SFXN1: variants seen among roughly 807,000 people sequenced by gnomAD.
The protein encoded by SFXN1 is sideroflexin 1, also known as sideroflexin-1.
A neutral mutation model predicts 39.5 loss-of-function variants in SFXN1; 32 were observed. That is an observed-to-expected ratio of 0.81 (90% CI 0.61 to 1.09). The LOEUF is 1.09. SFXN1 is among the 50% of genes least tolerant of loss of function. The probability of loss-of-function intolerance (pLI) is 0.00; values close to 1 mark genes in which losing one functional copy is unlikely to be tolerated. For missense variants in SFXN1, 402 were observed against 407.1 expected, an observed-to-expected ratio of 0.99 and a Z score of 0.11; for synonymous variants, 136 against 146.5, an observed-to-expected ratio of 0.93 and a Z score of 0.52.
intron 2 of SFXN1, chr5:175,492,526 C>T (rs1759697584): frequency 3.4e-6 from 1 of 290,094 alleles, no homozygotes; most frequent in African/African-American, 2.2e-5. Flanking sequence ...ATCCCTTTCT[C>T]CTGGCAGCTT....
At chr5:175,526,504 A>G (rs570173092) in intron 10 of SFXN1, 134 bp from the exon 11 acceptor site, 600 of 669,620 alleles carry the variant, frequency 9.0e-4, no homozygotes, top group Non-Finnish European at 1.4e-3. Flanking sequence ...TTCTAGCCGC[A>G]TGAAGCATTT....
chr5:175,527,051 C>T lies in SFXN1; in HGVS notation c.*317C>T. 3.0e-6 allele frequency: 1 copy of T among 329,150 alleles called. No homozygotes were observed. Among genetic ancestry groups the T allele is most frequent in the Non-Finnish European group, 5.6e-6 (1 of 178,454 alleles). 20.4% of individuals were successfully genotyped at this position (329,150 alleles called of 1,614,324 possible). On this transcript the variant is annotated 3_prime_UTR_variant, in exon 11 of 11. Coordinates refer to ENST00000321442, the MANE Select transcript of SFXN1 (RefSeq NM_022754.7). ...AGCACTGGTAGGCATAGAATAGGTG[C>T]TCAGTATATGGTCAGTAAATGTTCT...
intron 4 of SFXN1, among the ~76,000 whole-genome samples, chr5:175,511,040 TCA>T (rs1760492174): frequency 6.6e-6 from 1 of 152,244 alleles, no homozygotes; most frequent in Non-Finnish European, 1.5e-5. Flanking sequence ...ATTTTTGCTT[TCA>T]GTGTGTATAT....
chr5:175,524,061 G>A (rs1439460793), intron 10 of SFXN1: 1 of 139,814 alleles, frequency 7.2e-6, no homozygotes, highest in African/African-American at 2.6e-5. Flanking sequence ...CCAAGATCAC[G>A]CTACTGCATT....
chr5:175,512,129 G>C lies in SFXN1; in HGVS notation c.529G>C (p.Gly177Arg). Residue 177 changes from glycine (G) to arginine (R), a missense_variant, in exon 6 of 11, where the codon GGA becomes CGA. Transcript: ENST00000321442. ...ALTKHVSPLIGRFVPFAAVAA... is the reference protein window; with the variant it reads ...ALTKHVSPLIRRFVPFAAVAA... ...TCTGCAGCATGTCTCACCACTGATAGGACGTTTTGTTCCCTTTGCTGCCGT... is the reference window on the plus strand; with the variant it reads ...TCTGCAGCATGTCTCACCACTGATACGACGTTTTGTTCCCTTTGCTGCCGT... 2 of 1,614,130 alleles carry C rather than the reference G, an allele frequency of 1.2e-6. No individual in the cohort carries two copies. The highest frequency in any genetic ancestry group is 1.7e-6 in the Non-Finnish European group (2 of 1,180,028).
intron 5 of SFXN1, 62 bp from the exon 6 acceptor site, chr5:175,512,049 T>G (rs770568314): frequency 1.4e-6 from 2 of 1,439,964 alleles, no homozygotes; most frequent in Non-Finnish European, 1.9e-6. Flanking sequence ...AAGAAATAAG[T>G]TATTTCCATT....
In SFXN1 at chr5:175,492,286, T is replaced by G; in HGVS notation, c.164+19T>G. The G allele has an allele frequency of 6.3e-7, 1 of 1,592,658 alleles. No homozygotes were observed. The highest frequency in any genetic ancestry group is 8.5e-7 in the Non-Finnish European group (1 of 1,171,392). On this transcript the variant is annotated intron_variant, in intron 2 of 10. Transcript: ENST00000321442. ...ATTACAGGTAACATTAATTATTGTT[T>G]TTTGGTTTAATGTATAAATAGATCA...
chr5:175,487,391 C>G (rs940077853), intron 1 of SFXN1, among the ~76,000 whole-genome samples: 2 of 152,234 alleles, frequency 1.3e-5, no homozygotes, highest in African/African-American at 4.8e-5. Context: ...CTACCACCAT[C>G]ATTGCTGTTA....
At chr5:175,517,511 G>GT (rs1452617166) in intron 8 of SFXN1, among the ~76,000 whole-genome samples, 4 of 152,070 alleles carry the variant, frequency 2.6e-5, no homozygotes, top group Admixed American at 6.6e-5. Flanking sequence ...CCTGGTTGTA[G>GT]GTGTACTCCT....
intron 4 of SFXN1, chr5:175,510,456 T>C (rs915655973): frequency 7.4e-5 from 34 of 457,920 alleles, no homozygotes; most frequent in African/African-American, 5.0e-4. Flanking sequence ...GAGGTACTGG[T>C]AGGATGTTAC....
intron 1 of SFXN1, among the ~76,000 whole-genome samples, chr5:175,487,817 C>A (rs1269722048): frequency 1.3e-5 from 2 of 152,192 alleles, no homozygotes; most frequent in Non-Finnish European, 2.9e-5. Flanking sequence ...TTCCTGTCTT[C>A]TCCCTCGGCC....
At chr5:175,491,929 T>G in intron 1 of SFXN1, 166 bp from the exon 2 acceptor site, 1 of 478,872 alleles carries the variant, frequency 2.1e-6, no homozygotes, top group South Asian at 4.4e-5. Context: ...ATAGACAAAC[T>G]TAGCTTTGAA....
At chr5:175,502,523 G>A (rs1760122058) in intron 2 of SFXN1, among the ~76,000 whole-genome samples, 1 of 152,188 alleles carries the variant, frequency 6.6e-6, no homozygotes, top group Admixed American at 6.6e-5. Context: ...AGCAGTTTCA[G>A]AATAACTAAA....
intron 8 of SFXN1, among the ~76,000 whole-genome samples, chr5:175,520,220 T>TAC (rs928936807): frequency 2.9e-4 from 44 of 152,010 alleles, no homozygotes; most frequent in African/African-American, 9.9e-4. Flanking sequence ...TATATATATA[T>TAC]ACACACACAT....
chr5:175,516,559 T>A, intron 7 of SFXN1, 55 bp from the exon 8 acceptor site: 1 of 1,504,168 alleles, frequency 6.6e-7, no homozygotes, highest in Non-Finnish European at 9.1e-7. Context: ...AAAAAAAAAG[T>A]AAGCTGAAAA....
In SFXN1 at chr5:175,505,019, C is replaced by T. The variant is rs1213864870; in HGVS notation, c.165-4013C>T. Among the ~76,000 whole-genome samples the T allele has an allele frequency of 3.3e-5, 5 of 152,130 alleles. No homozygotes were observed. The East Asian group carries it at 9.7e-4, about 29-fold the overall frequency. ...CTGGGATTACAGGCATGAGCCATCG[C>T]ACCCGGCCAGAACAATTTTTTAAAA... On this transcript the variant is annotated intron_variant, in intron 2 of 10. Coordinates refer to ENST00000321442, the MANE Select transcript of SFXN1 (RefSeq NM_022754.7).
chr5:175,484,847 C>T (rs116382963), intron 1 of SFXN1, among the ~76,000 whole-genome samples: 2,930 of 152,302 alleles, frequency 0.019, 85 homozygotes, highest in African/African-American at 0.066. Context: ...AGGTGCGCAC[C>T]ACCACGCTCA....
At chr5:175,492,412 A>G in intron 2 of SFXN1, 145 bp downstream of exon 2, 2 of 722,302 alleles carry the variant, frequency 2.8e-6, no homozygotes, top group South Asian at 4.1e-5. Context: ...GGAAGAAAAG[A>G]GTAAAAAGAC....
chr5:175,493,391 T>G (rs1274727152), intron 2 of SFXN1, among the ~76,000 whole-genome samples: 1 of 152,196 alleles, frequency 6.6e-6, no homozygotes, highest in Admixed American at 6.5e-5. Flanking sequence ...GCTTTGTGCC[T>G]AAACATGCCC....
Sources: allele counts gnomAD v4.1 joint callset (sites outside exome capture counted in the v4.1 genomes callset), GRCh38; gene constraint gnomAD v4.1.1; transcripts MANE v1.5; gene names NCBI Gene and HGNC (gene_info 2026-07-23, HGNC 2026-07-21).